The following ANO3 variants were observed in gnomAD, a reference collection of about 807,000 sequenced individuals.
The protein encoded by ANO3 is anoctamin-3.
Under a neutral mutation model 144.8 loss-of-function variants are expected in ANO3, and 99 were observed. The observed-to-expected ratio is 0.68, with a 90% CI of 0.58 to 0.81. The LOEUF (loss-of-function observed/expected upper bound fraction) is 0.81. Among genes scored for constraint, ANO3 ranks in the 30% least tolerant of loss-of-function variants. The probability of loss-of-function intolerance (pLI) is 0.00; values close to 1 mark genes in which losing one functional copy is unlikely to be tolerated. For synonymous variants in ANO3, 414 were observed against 392.6 expected (o/e 1.05, Z -0.64); for missense variants, 905 against 1,202.2 (o/e 0.75, Z 3.66).
At chr11:26,603,345 T>C (rs576101882) in intron 17 of ANO3, among the ~76,000 whole-genome samples, 133 of 152,196 alleles carry the variant, frequency 8.7e-4, no homozygotes, top group Non-Finnish European at 1.1e-3. Flanking sequence ...CTAGATTTGC[T>C]ACAATAAGCT....
intron 1 of ANO3, among the ~76,000 whole-genome samples, chr11:26,207,893 A>T (rs1306944173): frequency 3.0e-5 from 4 of 135,312 alleles, no homozygotes; most frequent in African/African-American, 1.0e-4. Flanking sequence ...TATATAATAA[A>T]TATTGTCAGT....
chr11:26,292,468 C>T (rs1035924787), intron 1 of ANO3, among the ~76,000 whole-genome samples: 5 of 152,072 alleles, frequency 3.3e-5, no homozygotes, highest in Admixed American at 6.6e-5. Flanking sequence ...TGAGGAGGTG[C>T]GATCCTTTGG....
chr11:26,635,246 T>C (rs1028502321), intron 20 of ANO3, among the ~76,000 whole-genome samples, 176 bp downstream of exon 20: 1 of 152,162 alleles, frequency 6.6e-6, no homozygotes, highest in African/African-American at 2.4e-5. Context: ...AACTGAAAAG[T>C]TAAACCCCAA....
intron 1 of ANO3, among the ~76,000 whole-genome samples, chr11:26,406,771 C>A (rs1238229059): frequency 6.9e-6 from 1 of 144,198 alleles, no homozygotes; most frequent in African/African-American, 2.6e-5. Context: ...ATCTGTATTG[C>A]CAATTTTCTT....
chr11:26,589,532 T>C (rs114154651), intron 14 of ANO3, among the ~76,000 whole-genome samples: 1,650 of 151,846 alleles, frequency 0.011, 35 homozygotes, highest in African/African-American at 0.038. Flanking sequence ...CTCACTACAA[T>C]CAATGTTTGA....
chr11:26,365,566 C>T (rs1302621752), intron 1 of ANO3, among the ~76,000 whole-genome samples: 1 of 152,228 alleles, frequency 6.6e-6, no homozygotes, highest in Non-Finnish European at 1.5e-5. Context: ...AAGCCTGCTT[C>T]ACTCTTATAC....
In ANO3 at chr11:26,663,115, G is replaced by A. The variant is rs989052507; in HGVS notation, c.*2671G>A. 1.3e-5 allele frequency: 2 copies of A among 152,222 alleles called. No homozygotes were observed. Among genetic ancestry groups the A allele is most frequent in the Non-Finnish European group, 2.9e-5 (2 of 67,964 alleles). 9.4% of individuals were successfully genotyped at this position (152,222 alleles called of 1,614,324 possible). On this transcript the variant is annotated 3_prime_UTR_variant, in exon 27 of 27. Coordinates refer to ENST00000256737, the MANE Select transcript of ANO3 (RefSeq NM_031418.4). ...CCATAGATCATGGCTGAAATAGTTT[G>A]TAATTGTCTGAGTCTGTGCACGTAC... is the stretch of plus-strand genomic sequence containing the variant.
chr11:26,311,546 T>G (rs1854501501), intron 1 of ANO3, among the ~76,000 whole-genome samples: 1 of 152,176 alleles, frequency 6.6e-6, no homozygotes, highest in Non-Finnish European at 1.5e-5. Context: ...AAACATATAC[T>G]CACATGATAG....
chr11:26,197,082 T>C lies in ANO3; in HGVS notation c.154+7752T>C, dbSNP rs541241330. Reference sequence around the variant, plus strand: ...AGCACACTGCCTAAACTGGTAATAATATTATTCCAGGAATCACTGGCATAC... The same window carrying C: ...AGCACACTGCCTAAACTGGTAATAACATTATTCCAGGAATCACTGGCATAC... On this transcript the variant is annotated intron_variant, in intron 1 of 27. Transcript: ENST00000672621. Among the ~76,000 whole-genome samples the C allele has an allele frequency of 7.2e-5, 11 of 152,326 alleles. No individual in the cohort carries two copies. The South Asian group carries it at 2.3e-3, about 32-fold the overall frequency.
At chr11:26,488,091 A>G (rs1428155333) in intron 4 of ANO3, among the ~76,000 whole-genome samples, 2 of 152,092 alleles carry the variant, frequency 1.3e-5, no homozygotes, top group Admixed American at 1.3e-4. Flanking sequence ...ACTTGAACCC[A>G]GGAGGTGGAG....
chr11:26,190,914 C>G (rs1316137740), intron 1 of ANO3, among the ~76,000 whole-genome samples: 1 of 152,162 alleles, frequency 6.6e-6, no homozygotes, highest in Non-Finnish European at 1.5e-5. Context: ...TCTAAGTAAT[C>G]TCAATATTCC....
At chr11:26,484,886 G>A (rs2134094879) in intron 4 of ANO3, among the ~76,000 whole-genome samples, 1 of 152,302 alleles carries the variant, frequency 6.6e-6, no homozygotes, top group Non-Finnish European at 1.5e-5. Flanking sequence ...GATTATTTTG[G>A]AGATTTATGA....
intron 6 of ANO3, among the ~76,000 whole-genome samples, chr11:26,521,781 C>T (rs377064719): frequency 1.2e-4 from 19 of 152,268 alleles, no homozygotes; most frequent in Middle Eastern, 3.4e-3. Flanking sequence ...ATTCAGTCAT[C>T]CTGCGGCTTC....
At chr11:26,385,741 C>T (rs1330440710) in intron 1 of ANO3, among the ~76,000 whole-genome samples, 1 of 150,638 alleles carries the variant, frequency 6.6e-6, no homozygotes, top group Non-Finnish European at 1.5e-5. Flanking sequence ...AGGATGTGCA[C>T]ATACTTGAGA....
At chr11:26,298,986 TA>T (rs1019160309) in intron 1 of ANO3, among the ~76,000 whole-genome samples, 2 of 152,086 alleles carry the variant, frequency 1.3e-5, no homozygotes, top group African/African-American at 4.8e-5. Flanking sequence ...ACATGTGGTC[TA>T]AAAACCTGGA....
At chr11:26,355,018 T>TC (rs1487973938) in intron 1 of ANO3, among the ~76,000 whole-genome samples, 1 of 151,652 alleles carries the variant, frequency 6.6e-6, no homozygotes, top group Non-Finnish European at 1.5e-5. Context: ...ACTCTTTTTT[T>TC]TTTTCTCCCT....
At chr11:26,379,392 T>C (rs1368075351) in intron 1 of ANO3, among the ~76,000 whole-genome samples, 2 of 151,946 alleles carry the variant, frequency 1.3e-5, no homozygotes, top group African/African-American at 4.8e-5. Context: ...AAGGATAGAG[T>C]GTAAGTTAGT....
chr11:26,196,901 G>A (rs1851600124), intron 1 of ANO3, among the ~76,000 whole-genome samples: 1 of 152,132 alleles, frequency 6.6e-6, no homozygotes, highest in African/African-American at 2.4e-5. Context: ...GCAAGACATT[G>A]TACAAGCATA....
chr11:26,413,590 T>C (rs991766739), intron 1 of ANO3, among the ~76,000 whole-genome samples: 2 of 152,066 alleles, frequency 1.3e-5, no homozygotes, highest in Non-Finnish European at 2.9e-5. Context: ...ATAAATTTAG[T>C]GTGAAACTGA....
Sources: allele counts gnomAD v4.1 joint callset (sites outside exome capture counted in the v4.1 genomes callset), GRCh38; gene constraint gnomAD v4.1.1; transcripts MANE v1.5; gene names NCBI Gene and HGNC (gene_info 2026-07-23, HGNC 2026-07-21).